ADGRL3: variants seen among roughly 807,000 people sequenced by gnomAD.
ADGRL3 encodes adhesion G protein-coupled receptor L3, also known as calcium-independent alpha-latrotoxin receptor 3.
A neutral mutation model predicts 153.5 loss-of-function variants in ADGRL3; 62 were observed. The ratio of observed to expected loss-of-function variants is 0.40; its 90% CI spans 0.33 to 0.50. The LOEUF is 0.50. Ranked by LOEUF, ADGRL3 falls within the 20% of genes least tolerant of loss-of-function variation. The pLI is 0.47. For synonymous variants in ADGRL3, 710 were observed against 672.5 expected (o/e 1.06, Z -0.86); for missense variants, 1,641 against 1,859.4 (o/e 0.88, Z 2.16).
chr4:61,979,915 T>G, intron 18 of ADGRL3, 143 bp downstream of exon 18: 1 of 699,502 alleles, frequency 1.4e-6, no homozygotes, highest in Non-Finnish European at 2.4e-6. Context: ...CTTACTCAGT[T>G]TTCCATTTTT....
At chr4:61,946,872 A>G in intron 15 of ADGRL3, 42 bp from the exon 16 acceptor site, 1 of 1,445,412 alleles carries the variant, frequency 6.9e-7, no homozygotes, top group Non-Finnish European at 9.7e-7. Context: ...TAACTAATTT[A>G]AGTAGAGTGG....
chr4:61,738,711 G>A (rs2096547959), intron 8 of ADGRL3, among the ~76,000 whole-genome samples: 1 of 152,044 alleles, frequency 6.6e-6, no homozygotes, highest in South Asian at 2.1e-4. Flanking sequence ...CCTACCTTTT[G>A]TTGAGCTACC....
chr4:61,923,435 T>G (rs182765365), intron 13 of ADGRL3, among the ~76,000 whole-genome samples: 1 of 150,070 alleles, frequency 6.7e-6, no homozygotes, highest in East Asian at 1.9e-4. Flanking sequence ...TACTCTCTTT[T>G]GCCCTTATAG....
At chr4:61,252,645 G>A (rs1385023693) in intron 1 of ADGRL3, among the ~76,000 whole-genome samples, 1 of 150,372 alleles carries the variant, frequency 6.7e-6, no homozygotes, top group African/African-American at 2.4e-5. Flanking sequence ...TCAGATCACT[G>A]TATTTTAGAT....
chr4:61,757,481 T>A (rs918941715), intron 8 of ADGRL3, among the ~76,000 whole-genome samples: 5 of 152,220 alleles, frequency 3.3e-5, no homozygotes, highest in African/African-American at 1.2e-4. Context: ...CTTTATCATT[T>A]TTTTATTGCA....
chr4:62,055,573 G>A (rs1394900254), intron 25 of ADGRL3, among the ~76,000 whole-genome samples: 1 of 151,748 alleles, frequency 6.6e-6, no homozygotes, highest in African/African-American at 2.4e-5. Context: ...ACTCTGTAAT[G>A]TCATTGTTCA....
intron 2 of ADGRL3, among the ~76,000 whole-genome samples, chr4:61,426,323 G>A (rs567378582): frequency 6.6e-6 from 1 of 152,284 alleles, no homozygotes; most frequent in Non-Finnish European, 1.5e-5. Context: ...TCAGCCCACT[G>A]ACTACTTTGT....
At chr4:61,249,395 T>C (rs1229244691) in intron 1 of ADGRL3, among the ~76,000 whole-genome samples, 2 of 152,124 alleles carry the variant, frequency 1.3e-5, no homozygotes, top group African/African-American at 4.8e-5. Flanking sequence ...CTATGTTGTC[T>C]TCATGATCTG....
intron 8 of ADGRL3, among the ~76,000 whole-genome samples, chr4:61,787,579 A>T (rs901853342): frequency 6.6e-6 from 1 of 152,152 alleles, no homozygotes; most frequent in African/African-American, 2.4e-5. Flanking sequence ...ACCCAAAACA[A>T]ATTCATTCAA....
intron 1 of ADGRL3, among the ~76,000 whole-genome samples, chr4:61,298,669 A>G (rs2094489012): frequency 6.6e-6 from 1 of 152,188 alleles, no homozygotes; most frequent in Non-Finnish European, 1.5e-5. Flanking sequence ...CATTAAAAAT[A>G]ATAATAAAAT....
chr4:61,613,307 CTTGTT>C (rs1488923073), intron 5 of ADGRL3, among the ~76,000 whole-genome samples: 1 of 152,018 alleles, frequency 6.6e-6, no homozygotes, highest in African/African-American at 2.4e-5. Flanking sequence ...CTTTGCTTGT[CTTGTT>C]TTGAATATTT....
At chr4:61,434,826 AATTTGTAAAAATTAAG>A (rs1272073815) in intron 2 of ADGRL3, among the ~76,000 whole-genome samples, 2 of 152,106 alleles carry the variant, frequency 1.3e-5, no homozygotes, top group Non-Finnish European at 2.9e-5. Flanking sequence ...TAACTGATAT[AATTTGTAAAAATTAAG>A]ATTTGTAAAA....
chr4:61,206,292 C>A (rs1419534528), intron 1 of ADGRL3, among the ~76,000 whole-genome samples: 1 of 152,108 alleles, frequency 6.6e-6, no homozygotes, highest in African/African-American at 2.4e-5. Flanking sequence ...GGATGGTAAT[C>A]CTACTTATTT....
At chr4:61,636,762 A>C (rs1434800281) in intron 5 of ADGRL3, among the ~76,000 whole-genome samples, 1 of 151,122 alleles carries the variant, frequency 6.6e-6, no homozygotes, top group African/African-American at 2.4e-5. Flanking sequence ...ATATTTATGT[A>C]GGAAGATATA....
chr4:61,374,539 C>T (rs372669989), intron 1 of ADGRL3, among the ~76,000 whole-genome samples: 1 of 151,944 alleles, frequency 6.6e-6, no homozygotes, highest in Admixed American at 6.6e-5. Context: ...TTTTTAAGAC[C>T]TCAGTACTGA....
chr4:61,767,079 A>G (rs912187489), intron 8 of ADGRL3, among the ~76,000 whole-genome samples: 2 of 151,884 alleles, frequency 1.3e-5, no homozygotes, highest in African/African-American at 4.8e-5. Context: ...TTAGGTTTTA[A>G]TGAGATGGTA....
chr4:61,948,126 C>T lies in ADGRL3; in HGVS notation c.2655C>T (p.Asn885=). 1 of 1,612,958 alleles carries T rather than the reference C, an allele frequency of 6.2e-7. No homozygotes were observed. The highest frequency in any genetic ancestry group is 8.5e-7 in the Non-Finnish European group (1 of 1,179,392). The change falls in exon 17 of 27, where the codon AAC becomes AAT. Residue 885 remains asparagine (N), a synonymous_variant. Coordinates refer to ENST00000683033, the MANE Select transcript of ADGRL3 (RefSeq NM_001387552.1). ...IKQSEENFNP[N]CSFWSYSKRT... is the part of the protein sequence containing the mutation. ...AGTCAGAGGAAAATTTCAACCCTAA[C>T]TGTTCATTTTGGAGCTACTCCAAGC...
At chr4:61,953,216 A>G (rs1009803490) in intron 17 of ADGRL3, among the ~76,000 whole-genome samples, 6 of 152,196 alleles carry the variant, frequency 3.9e-5, no homozygotes, top group African/African-American at 1.4e-4. Context: ...TATGTCTTCT[A>G]GTTGTCAGTT....
At chr4:61,684,984 C>T (rs1012558904) in intron 6 of ADGRL3, among the ~76,000 whole-genome samples, 3 of 151,878 alleles carry the variant, frequency 2.0e-5, no homozygotes, top group Admixed American at 2.0e-4. Context: ...ACAATCACAG[C>T]TCCCTGCAAC....
Sources: gnomAD v4.1 joint callset for allele counts (sites outside exome capture counted in the v4.1 genomes callset) on GRCh38, gnomAD v4.1.1 for gene constraint, MANE v1.5 for transcripts, NCBI Gene and HGNC (gene_info 2026-07-23, HGNC 2026-07-21) for gene names.